Variants in MYO5C observed in about 807,000 individuals in gnomAD.
MYO5C encodes unconventional myosin-Vc.
MYO5C carries 194 observed loss-of-function variants against 235.7 expected under a neutral mutation model. The ratio of observed to expected loss-of-function variants is 0.82; its 90% confidence interval spans 0.73 to 0.93. The LOEUF (loss-of-function observed/expected upper bound fraction) is 0.93, where lower values mean the gene tolerates loss of function less well. MYO5C is among the 40% of genes least tolerant of loss of function. MYO5C has a pLI of 0.00. For synonymous variants in MYO5C, 707 were observed against 754.8 expected, an observed-to-expected ratio of 0.94 and a Z score of 1.04; for missense variants, 2,038 against 2,127.2, an observed-to-expected ratio of 0.96 and a Z score of 0.82.
chr15:52,283,039 C>CT, intron 1 of MYO5C, 147 bp from the exon 2 acceptor site: 1 of 640,516 alleles, frequency 1.6e-6, no homozygotes, highest in South Asian at 1.8e-5. Flanking sequence ...ATGAGGTGAT[C>CT]TTTCGTGCAT....
chr15:52,195,432 G>C lies in MYO5C; in HGVS notation c.5021C>G (p.Thr1674Arg), dbSNP rs1194053923. Reference sequence around the variant, plus strand: ...TCTCTTCTCAAAGTCATCTATAGGTGTGTATGAATTAAGGATCTTTATGAT... The same window carrying C: ...TCTCTTCTCAAAGTCATCTATAGGTCTGTATGAATTAAGGATCTTTATGAT... ...VQIIKILNSY[T>R]PIDDFEKRVT... is the part of the protein sequence containing the mutation. The change falls in exon 40 of 41, where the codon ACA becomes AGA. Residue 1674 changes from threonine to arginine, a missense_variant. By Grantham distance (71) the Thr-to-Arg change is moderately conservative. Coordinates refer to ENST00000261839, the MANE Select transcript of MYO5C (RefSeq NM_018728.4). 6.2e-7 allele frequency: 1 copy of C among 1,612,828 alleles called. No homozygotes were observed. Among genetic ancestry groups the C allele is most frequent in the Admixed American group, 1.7e-5 (1 of 59,898 alleles).
intron 10 of MYO5C, 76 bp from the exon 11 acceptor site, chr15:52,256,796 A>G: frequency 1.7e-6 from 2 of 1,165,300 alleles, no homozygotes; most frequent in Non-Finnish European, 2.5e-6. Context: ...ATTTTTTGAC[A>G]CTTAAAAGCT....
At chr15:52,204,723 G>T in intron 38 of MYO5C, 142 bp downstream of exon 38, 1 of 1,040,842 alleles carries the variant, frequency 9.6e-7, no homozygotes, top group Non-Finnish European at 1.4e-6. Flanking sequence ...GGCTCCTAGG[G>T]TGACTCGAAT....
At chr15:52,256,598 C>G (rs963097825) in intron 11 of MYO5C, 41 bp downstream of exon 11, 1 of 1,507,822 alleles carries the variant, frequency 6.6e-7, no homozygotes, top group Admixed American at 2.0e-5. Flanking sequence ...CGCGCGCGCG[C>G]GCGGCTGAGA....
At chr15:52,294,459 G>A (rs1596243873) in intron 1 of MYO5C, among the ~76,000 whole-genome samples, 1 of 152,190 alleles carries the variant, frequency 6.6e-6, no homozygotes. Flanking sequence ...CTTTGTGTCC[G>A]GACTGTTACT....
chr15:52,275,662 A>G lies in MYO5C; in HGVS notation c.506T>C (p.Val169Ala). The G allele has an allele frequency of 1.2e-6, 2 of 1,614,166 alleles. No individual in the cohort carries two copies. The highest frequency in any genetic ancestry group is 1.7e-6 in the Non-Finnish European group (2 of 1,180,036). Residue 169 changes from valine to alanine, a missense_variant, in exon 5 of 41, where the codon GTG (valine) becomes GCG (alanine). Val to Ala is a moderately conservative substitution (Grantham distance 64). Coordinates refer to ENST00000261839, the MANE Select transcript of MYO5C (RefSeq NM_018728.4). ...VSGESGAGKT[V>A]SARYAMRYFA... ...GTACCTCATGGCATAGCGAGCCGAC[A>G]CTGTCTTTCCAGCACCTGACTCCCC...
intron 1 of MYO5C, among the ~76,000 whole-genome samples, chr15:52,284,742 A>C (rs1430394858): frequency 6.6e-6 from 1 of 152,212 alleles, no homozygotes; most frequent in African/African-American, 2.4e-5. Flanking sequence ...GGACAGAAAG[A>C]TGGATAGACA....
rs1555412609 is a variant in MYO5C, at chr15:52,214,754, T to TG, written c.3955-65dup. The TG allele has an allele frequency of 2.6e-4, 258 of 982,730 alleles. No individual in the cohort carries two copies. In the African/African-American group the frequency reaches 3.3e-3, roughly 13 times the overall value. The allele number at this position is 982,730 out of a possible 1,614,324, so 60.9% of individuals were successfully genotyped here. A position where few individuals can be genotyped will look rare whatever the true frequency, so the allele number is the denominator to read the frequency against. ...CACTTTAATCTATTTTTTTTTTTTT[T>TG]GGGTAACAGCTTTATTGACATACAA... On this transcript the variant is annotated intron_variant, in intron 32 of 40. Coordinates refer to ENST00000261839, the MANE Select transcript of MYO5C (RefSeq NM_018728.4).
At chr15:52,225,228 A>G (rs2035794343) in intron 26 of MYO5C, 90 bp from the exon 27 acceptor site, 2 of 1,413,378 alleles carry the variant, frequency 1.4e-6, no homozygotes, top group Admixed American at 1.9e-5. Context: ...TTCTAGCTTC[A>G]CAGTCTCCAG....
chr15:52,218,766 T>C (rs1457585898), intron 31 of MYO5C, 79 bp from the exon 32 acceptor site: 1 of 1,463,736 alleles, frequency 6.8e-7, no homozygotes, highest in Non-Finnish European at 9.4e-7. Context: ...CAAGTGCTGA[T>C]ATTTCCAAAG....
intron 5 of MYO5C, among the ~76,000 whole-genome samples, chr15:52,274,674 C>CA (rs955377750): frequency 1.2e-4 from 17 of 147,666 alleles, no homozygotes; most frequent in African/African-American, 3.7e-4. Flanking sequence ...CTTAGTACCC[C>CA]CCCCCCGACA....
intron 38 of MYO5C, among the ~76,000 whole-genome samples, chr15:52,202,234 G>A (rs753930204): frequency 8.6e-5 from 13 of 152,016 alleles, no homozygotes; most frequent in Non-Finnish European, 1.6e-4. Context: ...AAAATTAGCC[G>A]GGCATGGTGG....
At position 52,253,304 on chromosome 15, in the gene MYO5C, T is replaced by G. The variant is rs1389297487; in HGVS notation, c.1536+13A>C. On this transcript the variant is annotated intron_variant, in intron 12 of 40. Transcript: ENST00000261839. ...CTTAAAAGCTGAAAAAAACAATTAT[T>G]CTTAAAAGTTACCAAACATTCTTCA... The G allele has an allele frequency of 6.3e-7, 1 of 1,598,946 alleles. No homozygotes were observed. The highest frequency in any genetic ancestry group is 8.5e-7 in the Non-Finnish European group (1 of 1,174,674).
Position 52,256,606 on chromosome 15 carries a change from A to C in MYO5C, c.1395+33T>G, listed in dbSNP as rs760024912. The C allele has an allele frequency of 4.1e-5, 31 of 748,376 alleles. No homozygotes were observed. In the African/African-American group the frequency reaches 5.7e-4, roughly 14 times the overall value. The allele number at this position is 748,376 out of a possible 1,614,324, so 46.4% of individuals were successfully genotyped here. A position where few individuals can be genotyped will look rare whatever the true frequency, so the allele number is the denominator to read the frequency against. ...ACACACACGCGCGCGCGCGCGGCTGAGAACTAGTCAAGAAGGCAGAAAGGT... is the reference window on the plus strand; with the variant it reads ...ACACACACGCGCGCGCGCGCGGCTGCGAACTAGTCAAGAAGGCAGAAAGGT... On this transcript the variant is annotated intron_variant, in intron 11 of 40. Transcript: ENST00000261839.
intron 8 of MYO5C, chr15:52,265,190 T>C (rs946460153): frequency 6.6e-6 from 1 of 152,242 alleles, no homozygotes; most frequent in Non-Finnish European, 1.5e-5. Flanking sequence ...ACATACCATA[T>C]TCAGTCACCG....
chr15:52,282,716 A>C (rs958053626), intron 2 of MYO5C, 66 bp downstream of exon 2: 32 of 1,178,910 alleles, frequency 2.7e-5, no homozygotes, highest in Non-Finnish European at 4.1e-5. Context: ...ACGTGCTCCC[A>C]TCCTTACACA....
intron 1 of MYO5C, among the ~76,000 whole-genome samples, chr15:52,289,705 C>G (rs1487612570): frequency 6.6e-6 from 1 of 152,116 alleles, no homozygotes; most frequent in Non-Finnish European, 1.5e-5. Context: ...GACAGACTCT[C>G]TCATCCGTAC....
chr15:52,249,394 A>G (rs1280102963), intron 13 of MYO5C, among the ~76,000 whole-genome samples: 4 of 151,460 alleles, frequency 2.6e-5, no homozygotes, highest in African/African-American at 4.9e-5. Context: ...TCAACATTCA[A>G]CCTCCCCCTA....
At chr15:52,288,524 G>A (rs192488826) in intron 1 of MYO5C, among the ~76,000 whole-genome samples, 4 of 152,260 alleles carry the variant, frequency 2.6e-5, no homozygotes, top group Non-Finnish European at 4.4e-5. Context: ...AACCCAGCCT[G>A]GTAAGTAAAC....
Sources: allele counts gnomAD v4.1 joint callset (sites outside exome capture counted in the v4.1 genomes callset), GRCh38; gene constraint gnomAD v4.1.1; transcripts MANE v1.5; gene names NCBI Gene and HGNC (gene_info 2026-07-23, HGNC 2026-07-21).